The following EXOC4 variants were observed in gnomAD, a reference collection of about 807,000 sequenced individuals.
The protein encoded by EXOC4 is SEC8-like 1.
In EXOC4, 71 loss-of-function variants were observed where a neutral mutation model predicts 107.2. The observed-to-expected ratio is 0.66, with a 90% CI of 0.55 to 0.81. The LOEUF (loss-of-function observed/expected upper bound fraction) is 0.81, where lower values mean the gene tolerates loss of function less well. Ranked by LOEUF, EXOC4 falls within the 30% of genes least tolerant of loss-of-function variation. The pLI, the probability that EXOC4 is intolerant of heterozygous loss-of-function variation, is 0.00. For missense variants in EXOC4, 1,108 were observed against 1,189.6 expected, an observed-to-expected ratio of 0.93 and a Z score of 1.01; for synonymous variants, 456 against 441.2, an observed-to-expected ratio of 1.03 and a Z score of -0.42.
intron 11 of EXOC4, among the ~76,000 whole-genome samples, chr7:133,859,669 G>A (rs1421985469): frequency 6.6e-6 from 1 of 152,188 alleles, no homozygotes; most frequent in Non-Finnish European, 1.5e-5. Context: ...TTGGTTGGTT[G>A]ATTGGTTTTG....
At chr7:133,515,237 G>C (rs1441257178) in intron 9 of EXOC4, among the ~76,000 whole-genome samples, 1 of 151,858 alleles carries the variant, frequency 6.6e-6, no homozygotes, top group African/African-American at 2.4e-5. Context: ...GCAGTATATT[G>C]CAAGAACTTC....
At chr7:133,363,621 A>C (rs6467488) in intron 6 of EXOC4, among the ~76,000 whole-genome samples, 46,714 of 151,306 alleles carry the variant, frequency 0.31, 7,568 homozygotes, top group South Asian at 0.43. Flanking sequence ...AAAAAAAAAA[A>C]AAAAAAAACC....
chr7:133,440,925 A>G (rs751064181), intron 7 of EXOC4, among the ~76,000 whole-genome samples: 2 of 152,226 alleles, frequency 1.3e-5, no homozygotes, highest in Non-Finnish European at 2.9e-5. Context: ...CTTTCTTAAT[A>G]AAACTTGCTT....
the EXOC4 span, among the ~76,000 whole-genome samples, chr7:134,088,220 C>T: frequency 6.6e-6 from 1 of 152,146 alleles, no homozygotes; most frequent in Admixed American, 6.5e-5. Context: ...AAGGAAAACA[C>T]ACCATTCCAC....
intron 6 of EXOC4, among the ~76,000 whole-genome samples, chr7:133,370,028 G>C (rs909067976): frequency 3.3e-5 from 5 of 152,012 alleles, no homozygotes; most frequent in Non-Finnish European, 7.4e-5. Context: ...CCCGACCTCA[G>C]GTGATCCGCC....
intron 10 of EXOC4, among the ~76,000 whole-genome samples, chr7:133,766,345 T>C (rs1029651479): frequency 6.6e-6 from 1 of 152,038 alleles, no homozygotes; most frequent in African/African-American, 2.4e-5. Context: ...TGTTAATTAT[T>C]ATTTACCTAA....
chr7:133,700,140 A>G (rs2151086031), intron 10 of EXOC4, among the ~76,000 whole-genome samples: 1 of 152,322 alleles, frequency 6.6e-6, no homozygotes, highest in African/African-American at 2.4e-5. Context: ...TGGATTTTGG[A>G]AAAAACTATT....
intron 17 of EXOC4, among the ~76,000 whole-genome samples, chr7:134,021,954 G>A (rs1795040806): frequency 1.3e-5 from 2 of 152,030 alleles, no homozygotes; most frequent in Admixed American, 6.6e-5. Context: ...GATTTTTAGT[G>A]GCTAGAGCCT....
intron 7 of EXOC4, among the ~76,000 whole-genome samples, chr7:133,424,386 C>T (rs1336122182): frequency 2.0e-5 from 3 of 151,768 alleles, no homozygotes; most frequent in Non-Finnish European, 1.5e-5. Context: ...TAACACTCAC[C>T]GCGAAGGTCT....
intron 8 of EXOC4, among the ~76,000 whole-genome samples, chr7:133,476,678 T>A (rs1799021392): frequency 6.6e-6 from 1 of 152,238 alleles, no homozygotes; most frequent in African/African-American, 2.4e-5. Flanking sequence ...CATTCCTTTT[T>A]AAACAGTTTT....
intron 7 of EXOC4, among the ~76,000 whole-genome samples, chr7:133,450,900 A>G (rs1174315865): frequency 6.6e-6 from 1 of 152,198 alleles, no homozygotes; most frequent in East Asian, 1.9e-4. Context: ...TGTAATTTTA[A>G]GTACTATTTC....
At chr7:133,333,945 C>CA (rs1795451152) in intron 5 of EXOC4, among the ~76,000 whole-genome samples, 1 of 152,166 alleles carries the variant, frequency 6.6e-6, no homozygotes, top group African/African-American at 2.4e-5. Context: ...TGTTTGTGTG[C>CA]AGTTCAATTT....
chr7:133,289,860 C>G (rs957252032), intron 3 of EXOC4, among the ~76,000 whole-genome samples: 4 of 152,134 alleles, frequency 2.6e-5, no homozygotes, highest in Non-Finnish European at 5.9e-5. Context: ...TAAGGAAGCT[C>G]TCTATAGGAG....
At chr7:133,352,698 C>A (rs1175701720) in intron 5 of EXOC4, among the ~76,000 whole-genome samples, 1 of 151,788 alleles carries the variant, frequency 6.6e-6, no homozygotes, top group African/African-American at 2.4e-5. Flanking sequence ...TTTCTATATG[C>A]ATTATTTTTT....
At chr7:133,687,372 A>G (rs182169571) in intron 10 of EXOC4, among the ~76,000 whole-genome samples, 2 of 152,206 alleles carry the variant, frequency 1.3e-5, no homozygotes, top group East Asian at 1.9e-4. Flanking sequence ...TCATGTAACC[A>G]AATACCACCT....
intron 7 of EXOC4, among the ~76,000 whole-genome samples, chr7:133,377,586 A>G (rs921540132): frequency 1.3e-5 from 2 of 152,124 alleles, no homozygotes; most frequent in African/African-American, 2.4e-5. Context: ...AGGAGAGAGG[A>G]CAGAGAGATT....
chr7:133,479,687 T>G (rs547664310), intron 8 of EXOC4: 188 of 221,502 alleles, frequency 8.5e-4, no homozygotes, highest in African/African-American at 3.7e-3. Context: ...AGCTGGATGG[T>G]AACGTAATTA....
At chr7:133,470,520 GAA>G (rs554631615) in intron 7 of EXOC4, among the ~76,000 whole-genome samples, 170 of 152,196 alleles carry the variant, frequency 1.1e-3, no homozygotes, top group African/African-American at 3.7e-3. Context: ...TAGGTCCTCA[GAA>G]AAAAACAGTG....
chr7:133,932,463 A>G (rs1207115513), intron 13 of EXOC4, among the ~76,000 whole-genome samples: 1 of 152,210 alleles, frequency 6.6e-6, no homozygotes, highest in Non-Finnish European at 1.5e-5. Context: ...AAAAATAGTA[A>G]ACCCACAGAA....
Sources: gnomAD v4.1 joint callset for allele counts (sites outside exome capture counted in the v4.1 genomes callset) on GRCh38, gnomAD v4.1.1 for gene constraint, MANE v1.5 for transcripts, NCBI Gene and HGNC (gene_info 2026-07-23, HGNC 2026-07-21) for gene names.